DAB2: variants seen among roughly 807,000 people sequenced by gnomAD.
DAB2 encodes DAB adaptor protein 2, also known as disabled homolog 2.
A neutral mutation model predicts 71.6 loss-of-function variants in DAB2; 28 were observed. That is an observed-to-expected ratio of 0.39 (90% CI 0.29 to 0.54). The LOEUF (loss-of-function observed/expected upper bound fraction) is 0.54. DAB2 is among the 20% of genes least tolerant of loss of function. The pLI is 0.68. For synonymous variants in DAB2, 345 were observed against 339.7 expected (o/e 1.02, Z -0.17); for missense variants, 867 against 928.8 (o/e 0.93, Z 0.86).
At chr5:39,405,088 G>T (rs1355404395) in intron 1 of DAB2, among the ~76,000 whole-genome samples, 1 of 152,206 alleles carries the variant, frequency 6.6e-6, no homozygotes, top group African/African-American at 2.4e-5. Context: ...CTGGCCTCTC[G>T]GCAAAGCTGG....
chr5:39,410,502 A>ATTG (rs1554055268), intron 1 of DAB2, among the ~76,000 whole-genome samples: 7 of 152,046 alleles, frequency 4.6e-5, no homozygotes, highest in Non-Finnish European at 5.9e-5. Flanking sequence ...TTTAAAAGGC[A>ATTG]ATGCATTAAT....
intron 8 of DAB2, 113 bp from the exon 9 acceptor site, chr5:39,388,480 C>T (rs1755148746): frequency 1.3e-6 from 1 of 773,620 alleles, no homozygotes; most frequent in Non-Finnish European, 2.2e-6. Flanking sequence ...AATTTAATTT[C>T]CATTTAACTA....
chr5:39,391,891 G>A (rs1401032672), intron 4 of DAB2, among the ~76,000 whole-genome samples: 3 of 150,214 alleles, frequency 2.0e-5, no homozygotes, highest in Non-Finnish European at 4.4e-5. Context: ...TAGCCGGTAA[G>A]TTCACATGTA....
chr5:39,404,583 T>G (rs974910960), intron 1 of DAB2, among the ~76,000 whole-genome samples: 14 of 151,474 alleles, frequency 9.2e-5, no homozygotes, highest in Non-Finnish European at 1.9e-4. Flanking sequence ...TTTTGGTTTT[T>G]GGGTTTTTTT....
At chr5:39,396,503 T>C (rs1755373672) in intron 1 of DAB2, among the ~76,000 whole-genome samples, 1 of 152,248 alleles carries the variant, frequency 6.6e-6, no homozygotes, top group Non-Finnish European at 1.5e-5. Flanking sequence ...CAGATGGTAA[T>C]GAGGGCAGTT....
chr5:39,421,151 C>T (rs1189050047), intron 1 of DAB2, among the ~76,000 whole-genome samples: 2 of 152,166 alleles, frequency 1.3e-5, no homozygotes, highest in East Asian at 1.9e-4. Flanking sequence ...AACTCCCTGT[C>T]TGTTCTAGCA....
chr5:39,403,338 GTGTT>G (rs1393381155), intron 1 of DAB2, among the ~76,000 whole-genome samples: 1 of 152,110 alleles, frequency 6.6e-6, no homozygotes, highest in Admixed American at 6.5e-5. Flanking sequence ...GAGATTACCT[GTGTT>G]TGTTTTTAAA....
intron 1 of DAB2, among the ~76,000 whole-genome samples, chr5:39,402,007 T>G (rs570898601): frequency 6.6e-6 from 1 of 151,988 alleles, no homozygotes; most frequent in African/African-American, 2.4e-5. Context: ...GGCCTCACAA[T>G]CGTGGTGGAA....
intron 9 of DAB2, chr5:39,385,213 G>A (rs1755072754): frequency 6.6e-6 from 1 of 152,128 alleles, no homozygotes; most frequent in South Asian, 2.1e-4. Context: ...TGGATTGGAA[G>A]AGCTATTAAT....
chr5:39,376,483 T>C (rs1304922159), intron 12 of DAB2, among the ~76,000 whole-genome samples, 167 bp downstream of exon 12: 1 of 152,158 alleles, frequency 6.6e-6, no homozygotes, highest in African/African-American at 2.4e-5. Context: ...TAAATAGTTA[T>C]CACCAAAAGG....
At chr5:39,395,540 C>G (rs1755340904) in intron 1 of DAB2, among the ~76,000 whole-genome samples, 1 of 152,164 alleles carries the variant, frequency 6.6e-6, no homozygotes, top group Non-Finnish European at 1.5e-5. Context: ...TTAAATTGCA[C>G]TTAGCTTGTT....
intron 11 of DAB2, among the ~76,000 whole-genome samples, chr5:39,380,150 C>T (rs533178069): frequency 2.6e-5 from 4 of 152,206 alleles, no homozygotes; most frequent in Admixed American, 1.3e-4. Flanking sequence ...AAAAGAGCAA[C>T]GCAGAAAGGG....
intron 8 of DAB2, 58 bp from the exon 9 acceptor site, chr5:39,388,425 T>C (rs1755147542): frequency 1.7e-6 from 2 of 1,162,130 alleles, no homozygotes; most frequent in Non-Finnish European, 1.3e-6. Flanking sequence ...TTACTTCGTA[T>C]ATTGTAATCA....
intron 6 of DAB2, 126 bp downstream of exon 6, chr5:39,389,726 G>T: frequency 1.7e-6 from 1 of 578,408 alleles, no homozygotes; most frequent in Non-Finnish European, 3.1e-6. Flanking sequence ...TGGCCAGGCT[G>T]GTCTCGAACT....
chr5:39,375,166 T>C (rs1754795718), intron 13 of DAB2, 82 bp from the exon 14 acceptor site: 1 of 1,033,730 alleles, frequency 9.7e-7, no homozygotes, highest in African/African-American at 1.6e-5. Context: ...CAAAATTCTT[T>C]TAAAAATCGC....
chr5:39,408,550 G>A (rs577881350), intron 1 of DAB2: 54 of 152,246 alleles, frequency 3.5e-4, no homozygotes, highest in African/African-American at 1.3e-3. Context: ...GAATAGCTAT[G>A]TTTGTTTTGA....
At chr5:39,399,390 C>T (rs907945764) in intron 1 of DAB2, among the ~76,000 whole-genome samples, 4 of 152,154 alleles carry the variant, frequency 2.6e-5, no homozygotes, top group Non-Finnish European at 5.9e-5. Context: ...CTGGCTGTTT[C>T]CTTCATTAGA....
At chr5:39,402,004 C>A (rs1398605267) in intron 1 of DAB2, among the ~76,000 whole-genome samples, 4 of 152,060 alleles carry the variant, frequency 2.6e-5, no homozygotes, top group Admixed American at 2.6e-4. Context: ...GGAGGCCTCA[C>A]AATCGTGGTG....
chr5:39,393,215 T>G, intron 3 of DAB2, 39 bp downstream of exon 3: 3 of 1,597,408 alleles, frequency 1.9e-6, no homozygotes, highest in Non-Finnish European at 2.6e-6. Context: ...TCTTGGACTT[T>G]TGCTTAATAT....
Sources: gnomAD v4.1 joint callset for allele counts (sites outside exome capture counted in the v4.1 genomes callset) on GRCh38, gnomAD v4.1.1 for gene constraint, MANE v1.5 for transcripts, NCBI Gene and HGNC (gene_info 2026-07-23, HGNC 2026-07-21) for gene names.